Variants in CENPP observed in about 807,000 individuals in gnomAD.
CENPP encodes centromere protein P.
CENPP carries 24 observed loss-of-function variants against 35.6 expected under a neutral mutation model. The ratio of observed to expected loss-of-function variants is 0.67; its 90% CI spans 0.49 to 0.95. The LOEUF (loss-of-function observed/expected upper bound fraction) is 0.95. CENPP is among the 40% of genes least tolerant of loss of function. CENPP has a pLI of 0.00. For synonymous variants in CENPP, 120 were observed against 125.5 expected, an observed-to-expected ratio of 0.96 and a Z score of 0.29; for missense variants, 332 against 345.3, an observed-to-expected ratio of 0.96 and a Z score of 0.31.
intron 5 of CENPP, among the ~76,000 whole-genome samples, chr9:92,571,901 A>G (rs1850150363): frequency 7.3e-6 from 1 of 137,548 alleles, no homozygotes; most frequent in Non-Finnish European, 1.5e-5. Context: ...TAGGATTGCA[A>G]CTCCTCTTTT....
intron 3 of CENPP, chr9:92,339,817 C>T (rs1320752681): frequency 6.5e-6 from 1 of 153,746 alleles, no homozygotes; most frequent in Non-Finnish European, 1.5e-5. Context: ...CCTGTGCCAC[C>T]ACCCCAGGCT....
chr9:92,611,211 A>T, intron 5 of CENPP, 103 bp from the exon 6 acceptor site: 1 of 902,500 alleles, frequency 1.1e-6, no homozygotes, highest in Non-Finnish European at 1.8e-6. Flanking sequence ...AAACACTCGG[A>T]CCCTGATTTT....
intron 5 of CENPP, chr9:92,494,058 C>A: frequency 1.3e-6 from 2 of 1,596,214 alleles, no homozygotes; most frequent in South Asian, 2.2e-5. Context: ...GCTTACTTGT[C>A]TGTTTGATTT....
intron 5 of CENPP, among the ~76,000 whole-genome samples, chr9:92,531,075 T>C (rs1394558080): frequency 2.0e-5 from 3 of 152,162 alleles, no homozygotes; most frequent in Non-Finnish European, 4.4e-5. Flanking sequence ...TTTAATGCAG[T>C]TTAACAATTT....
chr9:92,393,234 C>G (rs41278681), intron 5 of CENPP: 3 of 1,566,110 alleles, frequency 1.9e-6, no homozygotes, highest in Non-Finnish European at 2.6e-6. Context: ...ACAGCAGACA[C>G]GTGGGCATTT....
chr9:92,356,310 T>C lies in CENPP; in HGVS notation c.467+10523T>C, dbSNP rs542173349. ...AAAGGGTGAGAAAAAGATTTATTAA[T>C]GTAGCAACAACTTGCACATCTGTTT... On this transcript the variant is annotated intron_variant, in intron 4 of 7. Transcript: ENST00000375587. Among the ~76,000 whole-genome samples, 3 of 152,368 alleles carry C rather than the reference T, an allele frequency of 2.0e-5. No homozygotes were observed. In the East Asian group the frequency reaches 5.8e-4, roughly 29 times the overall value.
rs1450256726 is a variant in CENPP, at chr9:92,619,207, T to C, written c.*6058T>C. The stretch of plus-strand genomic sequence containing the variant: ...AATGGGCAGCTCACTGTCCACATTG[T>C]TTCTGAGCTCTTGGGAGTATTTTCT... On this transcript the variant is annotated 3_prime_UTR_variant, in exon 8 of 8. Transcript: ENST00000375587. 9 of 386,426 alleles carry C rather than the reference T, an allele frequency of 2.3e-5. No homozygotes were observed. The highest frequency in any genetic ancestry group is 3.9e-5 in the Non-Finnish European group (8 of 206,434). 23.9% of individuals were successfully genotyped at this position (386,426 alleles called of 1,614,324 possible).
chr9:92,578,320 T>A (rs1295780757), intron 5 of CENPP, among the ~76,000 whole-genome samples: 2 of 152,186 alleles, frequency 1.3e-5, no homozygotes, highest in Non-Finnish European at 2.9e-5. Context: ...TACCCAGTAA[T>A]GCGATGGCTG....
At position 92,382,259 on chromosome 9, in the gene CENPP, A is replaced by T. The variant is rs555979903; in HGVS notation, c.564+2400A>T. 3.3e-5 allele frequency among the ~76,000 whole-genome samples: 5 copies of T among 152,090 alleles called. No homozygotes were observed. In the East Asian group the frequency reaches 7.7e-4, roughly 23 times the overall value. On this transcript the variant is annotated intron_variant, in intron 5 of 7. Transcript: ENST00000375587. ...TTTAATTTTTAATCGACTAATAGTA[A>T]TTTTACATATTCATGGGGTACATAG...
At chr9:92,532,032 T>A (rs1037529127) in intron 5 of CENPP, among the ~76,000 whole-genome samples, 2 of 132,670 alleles carry the variant, frequency 1.5e-5, no homozygotes, top group East Asian at 2.0e-4. Context: ...TTTTTTTATT[T>A]TATTTTTTTT....
At chr9:92,337,694 C>T (rs1487874830) in intron 3 of CENPP, 65 bp downstream of exon 3, 3 of 1,017,882 alleles carry the variant, frequency 2.9e-6, no homozygotes, top group Non-Finnish European at 4.7e-6. Context: ...ATTCCCACAC[C>T]CCAGCCTTCA....
At chr9:92,441,620 A>G (rs1479438728) in intron 5 of CENPP, among the ~76,000 whole-genome samples, 1 of 152,106 alleles carries the variant, frequency 6.6e-6, no homozygotes, top group African/African-American at 2.4e-5. Flanking sequence ...TCAGCCTGGC[A>G]TGATAGCGCG....
rs767576492 is a variant in CENPP, at chr9:92,500,780, C to A, written c.565-110534C>A. 5.6e-6 allele frequency: 9 copies of A among 1,614,052 alleles called. No individual in the cohort carries two copies. The South Asian group carries it at 6.6e-5, about 12-fold the overall frequency. On this transcript the variant is annotated intron_variant, in intron 5 of 7. Coordinates refer to ENST00000375587, the MANE Select transcript of CENPP (RefSeq NM_001012267.3). ...AATGTAGTGCTTTCATTTCTTGTAT[C>A]CCAGGTGGTATAGATTTTAAGTCAT...
At chr9:92,366,080 T>A (rs1841880979) in intron 4 of CENPP, among the ~76,000 whole-genome samples, 1 of 147,854 alleles carries the variant, frequency 6.8e-6, no homozygotes, top group African/African-American at 2.5e-5. Flanking sequence ...CTCAGTAGGC[T>A]GAGGCAGGAG....
At chr9:92,483,427 A>G (rs1286609858) in intron 5 of CENPP, among the ~76,000 whole-genome samples, 1 of 152,010 alleles carries the variant, frequency 6.6e-6, no homozygotes, top group Non-Finnish European at 1.5e-5. Context: ...ACAGTGTTTC[A>G]TTGTGTTAGC....
upstream of CENPP, chr9:92,325,662 G>T: frequency 3.3e-6 from 1 of 300,320 alleles, no homozygotes; most frequent in Non-Finnish European, 6.3e-6. Context: ...CCTCTTTAGT[G>T]AGGCACGCGG....
intron 5 of CENPP, chr9:92,457,569 GGTTTATTCATCT>G: frequency 1.0e-6 from 1 of 984,714 alleles, no homozygotes; most frequent in Non-Finnish European, 1.5e-6. Context: ...TTTGTTTGTG[GGTTTATTCATCT>G]GTTTATTTTA....
At chr9:92,440,346 AAAAT>A (rs58516284) in intron 5 of CENPP, among the ~76,000 whole-genome samples, 345 of 142,544 alleles carry the variant, frequency 2.4e-3, no homozygotes, top group South Asian at 0.013. Context: ...CTGATGAGTT[AAAAT>A]AAATAAATAA....
rs941738559 is a variant in CENPP at position 92,593,314 on chromosome 9, C to G, written c.565-18000C>G. On this transcript the variant is annotated intron_variant, in intron 5 of 7. Transcript: ENST00000375587. This position sits in a 1 kb window ranked among gnomAD's most constrained non-coding sequence, Gnocchi z 4.1. ...TGACAGACCACCGTGGCATCACACACAGGAGATACTCCATAATATCATTTT... is the reference window on the plus strand; with the variant it reads ...TGACAGACCACCGTGGCATCACACAGAGGAGATACTCCATAATATCATTTT... Among the ~76,000 whole-genome samples, 1 of 152,212 alleles carries G rather than the reference C, an allele frequency of 6.6e-6. No individual in the cohort carries two copies. The highest frequency in any genetic ancestry group is 2.4e-5 in the African/African-American group (1 of 41,456).
Sources: allele counts gnomAD v4.1 joint callset (sites outside exome capture counted in the v4.1 genomes callset), GRCh38; gene constraint gnomAD v4.1.1; non-coding constraint Gnocchi (gnomAD v3.1); transcripts MANE v1.5; gene names NCBI Gene and HGNC (gene_info 2026-07-23, HGNC 2026-07-21).